Variants in FSTL5 observed in about 807,000 individuals in gnomAD.
The protein encoded by FSTL5 is follistatin like 5.
A neutral mutation model predicts 89.1 loss-of-function variants in FSTL5; 62 were observed. That is an observed-to-expected ratio of 0.70 (90% CI 0.57 to 0.86). The LOEUF (loss-of-function observed/expected upper bound fraction) is 0.86, where lower values mean the gene tolerates loss of function less well. Among genes scored for constraint, FSTL5 ranks in the 40% least tolerant of loss-of-function variants. FSTL5 has a pLI of 0.00. For missense variants in FSTL5, 1,057 were observed against 1,001.6 expected (o/e 1.06, Z -0.75); for synonymous variants, 383 against 346.2 (o/e 1.11, Z -1.18).
Position 161,811,418 on chromosome 4 carries a change from T to A in FSTL5, c.410-35344A>T, listed in dbSNP as rs181495516. Reference sequence around the variant, plus strand: ...CCGAGCATTTGAATTATTGAGTGACTTGTACCTTGTGACAGCACTTTAATG... The same window carrying A: ...CCGAGCATTTGAATTATTGAGTGACATGTACCTTGTGACAGCACTTTAATG... On this transcript the variant is annotated intron_variant, in intron 4 of 15. Transcript: ENST00000306100. Among the ~76,000 whole-genome samples the A allele has an allele frequency of 1.3e-4, 20 of 152,326 alleles. No homozygotes were observed. In the East Asian group the frequency reaches 3.5e-3, roughly 26 times the overall value.
chr4:162,125,240 T>C (rs1732033477), intron 1 of FSTL5, among the ~76,000 whole-genome samples: 1 of 152,192 alleles, frequency 6.6e-6, no homozygotes, highest in Non-Finnish European at 1.5e-5. Flanking sequence ...CTTTTAATTA[T>C]AATGCATCAA....
intron 3 of FSTL5, among the ~76,000 whole-genome samples, chr4:162,006,261 T>C (rs1351796913): frequency 2.0e-5 from 3 of 152,002 alleles, no homozygotes; most frequent in Non-Finnish European, 4.4e-5. Flanking sequence ...ATTTATATCT[T>C]TAGTAAGTGT....
chr4:161,719,610 A>T (rs1739119119), intron 6 of FSTL5, among the ~76,000 whole-genome samples: 1 of 152,180 alleles, frequency 6.6e-6, no homozygotes, highest in South Asian at 2.1e-4. Context: ...CCAATCCATG[A>T]TCACAAGATT....
chr4:161,747,118 T>A (rs1294766690), intron 6 of FSTL5, among the ~76,000 whole-genome samples: 1 of 152,240 alleles, frequency 6.6e-6, no homozygotes, highest in East Asian at 1.9e-4. Context: ...TCCATTTTTG[T>A]ATTTGTAGTA....
chr4:161,532,260 T>C (rs1211485235), intron 10 of FSTL5, among the ~76,000 whole-genome samples: 1 of 152,126 alleles, frequency 6.6e-6, no homozygotes, highest in East Asian at 1.9e-4. Flanking sequence ...AGAGCTACTT[T>C]ATGTCTTGCA....
chr4:161,883,935 G>T (rs975152855), intron 4 of FSTL5, among the ~76,000 whole-genome samples: 3 of 152,130 alleles, frequency 2.0e-5, no homozygotes, highest in African/African-American at 7.2e-5. Flanking sequence ...GCTTTTAAAA[G>T]AAAATTTTAC....
At chr4:161,750,543 G>C (rs1740359406) in intron 6 of FSTL5, among the ~76,000 whole-genome samples, 1 of 151,872 alleles carries the variant, frequency 6.6e-6, no homozygotes, top group African/African-American at 2.4e-5. Flanking sequence ...ATATTAGGAT[G>C]GCCAGCATTT....
At chr4:161,774,860 CT>C (rs927321614) in intron 5 of FSTL5, among the ~76,000 whole-genome samples, 67 of 151,980 alleles carry the variant, frequency 4.4e-4, no homozygotes, top group Middle Eastern at 3.4e-3. Flanking sequence ...ATTAAAATAT[CT>C]TCCAATTTTA....
chr4:161,828,219 T>C (rs761739662), intron 4 of FSTL5, among the ~76,000 whole-genome samples: 1 of 152,200 alleles, frequency 6.6e-6, no homozygotes, highest in African/African-American at 2.4e-5. Flanking sequence ...TTCCATGATC[T>C]GGACCTTCAG....
At chr4:161,998,273 T>C (rs773686349) in intron 3 of FSTL5, among the ~76,000 whole-genome samples, 2 of 152,158 alleles carry the variant, frequency 1.3e-5, no homozygotes, top group Non-Finnish European at 1.5e-5. Flanking sequence ...CTCTTCTTCT[T>C]TGAGTTGTAA....
At chr4:161,708,520 T>C (rs1362497182) in intron 6 of FSTL5, among the ~76,000 whole-genome samples, 1 of 152,068 alleles carries the variant, frequency 6.6e-6, no homozygotes, top group Non-Finnish European at 1.5e-5. Flanking sequence ...TATTTTTGGA[T>C]GTTCCCCTTA....
At chr4:161,691,029 C>T (rs373118010) in intron 6 of FSTL5, among the ~76,000 whole-genome samples, 3 of 152,154 alleles carry the variant, frequency 2.0e-5, no homozygotes, top group Non-Finnish European at 2.9e-5. Context: ...TTATGTACCA[C>T]ATTTTCTTTA....
At chr4:162,065,731 A>C (rs576366029) in intron 2 of FSTL5, among the ~76,000 whole-genome samples, 22 of 152,200 alleles carry the variant, frequency 1.4e-4, no homozygotes, top group African/African-American at 4.3e-4. Flanking sequence ...AAATAAATGA[A>C]ATCAATATCT....
intron 7 of FSTL5, among the ~76,000 whole-genome samples, chr4:161,621,720 G>A (rs539313153): frequency 8.6e-5 from 13 of 151,650 alleles, no homozygotes; most frequent in Admixed American, 2.0e-4. Context: ...GCTCACAGCT[G>A]TAATCCTAGC....
intron 3 of FSTL5, among the ~76,000 whole-genome samples, chr4:161,994,056 A>G (rs531087871): frequency 1.3e-5 from 2 of 152,100 alleles, no homozygotes; most frequent in South Asian, 2.1e-4. Flanking sequence ...CTCGCTTTCA[A>G]CCTCATGAGG....
chr4:161,468,358 T>C (rs1245684220), intron 13 of FSTL5, among the ~76,000 whole-genome samples: 1 of 151,762 alleles, frequency 6.6e-6, no homozygotes, highest in Non-Finnish European at 1.5e-5. Flanking sequence ...AAGGGTGGCA[T>C]GGGACAGAAT....
intron 6 of FSTL5, among the ~76,000 whole-genome samples, chr4:161,746,079 T>C (rs1010741039): frequency 6.6e-6 from 1 of 152,096 alleles, no homozygotes; most frequent in Non-Finnish European, 1.5e-5. Context: ...ATCTATCCCA[T>C]CACATATATA....
chr4:161,786,669 T>A (rs549637190), intron 4 of FSTL5, among the ~76,000 whole-genome samples: 1 of 152,264 alleles, frequency 6.6e-6, no homozygotes. Context: ...GGTATATAGT[T>A]AAATTGTCAA....
intron 8 of FSTL5, among the ~76,000 whole-genome samples, chr4:161,566,781 T>G (rs1260821367): frequency 6.6e-6 from 1 of 152,074 alleles, no homozygotes; most frequent in Non-Finnish European, 1.5e-5. Flanking sequence ...ATTATAATAA[T>G]TACTCATAAG....
Sources: allele counts gnomAD v4.1 joint callset (sites outside exome capture counted in the v4.1 genomes callset), GRCh38; gene constraint gnomAD v4.1.1; transcripts MANE v1.5; gene names NCBI Gene and HGNC (gene_info 2026-07-23, HGNC 2026-07-21).